PRKN: variants seen among roughly 807,000 people sequenced by gnomAD.
PRKN encodes the protein E3 ubiquitin-protein ligase parkin.
In PRKN, 56 loss-of-function variants were observed where a neutral mutation model predicts 59.5. That is an observed-to-expected ratio of 0.94 (90% CI 0.76 to 1.18). The LOEUF is 1.18. Among genes scored for constraint, PRKN ranks in the 50% most tolerant of loss-of-function variants. PRKN has a pLI of 0.00. For synonymous variants in PRKN, 250 were observed against 222.1 expected (o/e 1.13, Z -1.12); for missense variants, 657 against 596.4 (o/e 1.10, Z -1.06).
At chr6:162,358,460 TAATTA>T (rs1784971853) in intron 2 of PRKN, among the ~76,000 whole-genome samples, 1 of 152,312 alleles carries the variant, frequency 6.6e-6, no homozygotes, top group South Asian at 2.1e-4. Context: ...TTTAAAATAA[TAATTA>T]AATTGTTTAA....
At chr6:161,512,587 A>G (rs1319814095) in intron 9 of PRKN, among the ~76,000 whole-genome samples, 1 of 152,170 alleles carries the variant, frequency 6.6e-6, no homozygotes, top group Non-Finnish European at 1.5e-5. Flanking sequence ...TTGGACTGAA[A>G]TTCCTGGTGA....
At chr6:161,519,965 T>A (rs1023442093) in intron 9 of PRKN, among the ~76,000 whole-genome samples, 1 of 152,206 alleles carries the variant, frequency 6.6e-6, no homozygotes, top group African/African-American at 2.4e-5. Context: ...TAAGCTGATC[T>A]AATTTCTTTC....
intron 7 of PRKN, among the ~76,000 whole-genome samples, chr6:161,763,409 C>A (rs953592890): frequency 2.6e-5 from 4 of 151,644 alleles, no homozygotes; most frequent in African/African-American, 9.7e-5. Flanking sequence ...TTGATAGTAA[C>A]CCCCTCCTCT....
chr6:161,431,054 G>C (rs1222867438), intron 9 of PRKN, among the ~76,000 whole-genome samples: 1 of 150,522 alleles, frequency 6.6e-6, no homozygotes, highest in African/African-American at 2.5e-5. Flanking sequence ...CAGGAGAATT[G>C]CTTGAACCTG....
intron 2 of PRKN, among the ~76,000 whole-genome samples, chr6:162,334,091 G>A (rs1783718320): frequency 6.6e-6 from 1 of 152,158 alleles, no homozygotes; most frequent in Non-Finnish European, 1.5e-5. Flanking sequence ...TAAAAGACAA[G>A]GTTGAAGCTA....
At chr6:162,330,326 C>A (rs1251128979) in intron 2 of PRKN, among the ~76,000 whole-genome samples, 1 of 152,034 alleles carries the variant, frequency 6.6e-6, no homozygotes, top group Non-Finnish European at 1.5e-5. Context: ...GACTCCAGGC[C>A]CAAATGGGCT....
chr6:162,229,469 G>C (rs1253456402), intron 3 of PRKN, among the ~76,000 whole-genome samples: 1 of 152,138 alleles, frequency 6.6e-6, no homozygotes, highest in Non-Finnish European at 1.5e-5. Context: ...ATTTCAGCCT[G>C]CCTGAGCCAT....
intron 6 of PRKN, among the ~76,000 whole-genome samples, chr6:161,896,400 C>T (rs954936970): frequency 6.6e-6 from 1 of 152,158 alleles, no homozygotes; most frequent in African/African-American, 2.4e-5. Context: ...TTAGCAGAGG[C>T]CATGTGTCTA....
chr6:162,159,718 C>A (rs1782675799), intron 4 of PRKN, among the ~76,000 whole-genome samples: 1 of 152,162 alleles, frequency 6.6e-6, no homozygotes, highest in Non-Finnish European at 1.5e-5. Context: ...TTATAAGTTA[C>A]AGTCATCAAG....
intron 6 of PRKN, among the ~76,000 whole-genome samples, chr6:161,938,759 T>G (rs1308998193): frequency 6.6e-6 from 1 of 152,200 alleles, no homozygotes; most frequent in East Asian, 1.9e-4. Flanking sequence ...TGCAAATTAT[T>G]TGTGTCTGTA....
intron 9 of PRKN, among the ~76,000 whole-genome samples, chr6:161,427,653 A>G (rs1788440363): frequency 6.6e-6 from 1 of 152,148 alleles, no homozygotes; most frequent in East Asian, 1.9e-4. Flanking sequence ...GATGTAAAGT[A>G]TATATTTCTT....
At chr6:161,968,616 A>C (rs895197446) in intron 6 of PRKN, among the ~76,000 whole-genome samples, 1 of 152,184 alleles carries the variant, frequency 6.6e-6, no homozygotes, top group Admixed American at 6.5e-5. Flanking sequence ...ATTTTCATCT[A>C]TTATGTGGTT....
chr6:162,022,535 G>A (rs1783247059), intron 5 of PRKN, among the ~76,000 whole-genome samples: 1 of 151,926 alleles, frequency 6.6e-6, no homozygotes, highest in Admixed American at 6.6e-5. Context: ...TATTGTTGTT[G>A]TTGTTGATTT....
chr6:162,080,669 C>T (rs950151518), intron 4 of PRKN, among the ~76,000 whole-genome samples: 28 of 152,068 alleles, frequency 1.8e-4, no homozygotes, highest in Admixed American at 3.9e-4. Flanking sequence ...GCAGGTCTTG[C>T]GTCGATGCTG....
chr6:162,461,368 G>A (rs940597156), intron 1 of PRKN, among the ~76,000 whole-genome samples: 3 of 150,716 alleles, frequency 2.0e-5, no homozygotes, highest in Middle Eastern at 3.4e-3. Context: ...TGGACGTGGT[G>A]GCACACACCT....
intron 9 of PRKN, among the ~76,000 whole-genome samples, chr6:161,482,405 C>T (rs1009844984): frequency 5.3e-5 from 8 of 152,236 alleles, no homozygotes; most frequent in African/African-American, 1.9e-4. Context: ...AAAAGTTGTC[C>T]TTGTCCCTAC....
intron 7 of PRKN, among the ~76,000 whole-genome samples, chr6:161,722,146 A>G (rs1403883947): frequency 6.6e-6 from 1 of 152,110 alleles, no homozygotes; most frequent in Non-Finnish European, 1.5e-5. Context: ...TCTGCTCCCA[A>G]CATGCACACA....
At position 161,548,421 on chromosome 6, in the gene PRKN, C is replaced by T. The variant is rs946002227; in HGVS notation, c.1083+433G>A. ...AACATTTCAAGTTTTCCACATTAAC[C>T]TTCATTTTATTTCTTGAAATACTCA... On this transcript the variant is annotated intron_variant, in intron 9 of 11. Transcript: ENST00000366898. This position sits in a 1 kb window ranked among gnomAD's most constrained non-coding sequence, Gnocchi z 4.2. Among the ~76,000 whole-genome samples, 1 of 152,170 alleles carries T rather than the reference C, an allele frequency of 6.6e-6. No homozygotes were observed. The highest frequency in any genetic ancestry group is 2.4e-5 in the African/African-American group (1 of 41,436).
chr6:161,659,874 T>G (rs774064323), intron 7 of PRKN, among the ~76,000 whole-genome samples: 1 of 152,182 alleles, frequency 6.6e-6, no homozygotes, highest in Non-Finnish European at 1.5e-5. Flanking sequence ...ATGAGATGCT[T>G]GATACTGAGT....
Sources: allele counts gnomAD v4.1 joint callset (sites outside exome capture counted in the v4.1 genomes callset), GRCh38; gene constraint gnomAD v4.1.1; non-coding constraint Gnocchi (gnomAD v3.1); transcripts MANE v1.5; gene names NCBI Gene and HGNC (gene_info 2026-07-23, HGNC 2026-07-21).